Variants in SYNE2 observed in about 807,000 individuals in gnomAD.
SYNE2 encodes the protein spectrin repeat containing nuclear envelope protein 2.
Under a neutral mutation model 856.3 loss-of-function variants are expected in SYNE2, and 431 were observed. The ratio of observed to expected loss-of-function variants is 0.50; its 90% CI spans 0.47 to 0.55. The LOEUF is 0.55. Among genes scored for constraint, SYNE2 ranks in the 20% least tolerant of loss-of-function variants. SYNE2 has a pLI of 0.00. For synonymous variants in SYNE2, 2,923 were observed against 2,872.3 expected (o/e 1.02, Z -0.56); for missense variants, 8,129 against 8,023.2 (o/e 1.01, Z -0.50).
chr14:64,122,826 G>A (rs965225145), intron 70 of SYNE2, among the ~76,000 whole-genome samples: 2 of 152,202 alleles, frequency 1.3e-5, no homozygotes, highest in African/African-American at 4.8e-5. Flanking sequence ...CACTTGGCCA[G>A]GCGCGGTGGC....
intron 65 of SYNE2, among the ~76,000 whole-genome samples, chr14:64,111,613 A>G (rs1229677555): frequency 6.6e-6 from 1 of 152,180 alleles, no homozygotes; most frequent in Non-Finnish European, 1.5e-5. Context: ...AGCCTGGCCA[A>G]CATGACAAAA....
Position 64,003,344 on chromosome 14 carries a change from A to T in SYNE2, c.4397+14A>T. ...TGTGAAACATCGGTAAGTATTGTCC[A>T]TCCATTTCCATCCAAGGTGACTGAC... On this transcript the variant is annotated intron_variant, in intron 30 of 115. Coordinates refer to ENST00000555002, the MANE Select transcript of SYNE2 (RefSeq NM_182914.3). The T allele has an allele frequency of 6.2e-7, 1 of 1,613,924 alleles. No individual in the cohort carries two copies. The highest frequency in any genetic ancestry group is 8.5e-7 in the Non-Finnish European group (1 of 1,179,984).
At position 63,832,626 on chromosome 14, in the gene SYNE2, T is replaced by C. The variant is rs999047250; in HGVS notation, c.-304-19875T>C. ...GATTCTCTACCTCTCTGTTTTACAG[T>C]GTTTATTGTCATAGAAGAAGAAATC... On this transcript the variant is annotated intron_variant, in intron 1 of 23. Coordinates refer to the SYNE2 transcript ENST00000674003. 5.9e-5 allele frequency among the ~76,000 whole-genome samples: 9 copies of C among 152,154 alleles called. No homozygotes were observed. In the South Asian group the frequency reaches 8.3e-4, roughly 14 times the overall value.
chr14:63,780,172 G>A (rs1442998688), intron 1 of SYNE2, among the ~76,000 whole-genome samples: 4 of 152,154 alleles, frequency 2.6e-5, no homozygotes, highest in Admixed American at 2.6e-4. Flanking sequence ...CACAAAAGCT[G>A]TGTAAGACTT....
At chr14:64,116,089 T>A (rs1270971071) in intron 66 of SYNE2, among the ~76,000 whole-genome samples, 3 of 149,978 alleles carry the variant, frequency 2.0e-5, no homozygotes, top group African/African-American at 7.4e-5. Context: ...TAATATCTCT[T>A]AAGCCCAAGA....
chr14:64,002,606 A>G, intron 29 of SYNE2, 114 bp from the exon 30 acceptor site: 1 of 1,202,542 alleles, frequency 8.3e-7, no homozygotes, highest in Non-Finnish European at 1.2e-6. Context: ...CTTTTGTTAA[A>G]CTCAAAAGCA....
chr14:63,895,590 C>CAAAA (rs34613830), intron 1 of SYNE2, among the ~76,000 whole-genome samples: 1 of 88,396 alleles, frequency 1.1e-5, no homozygotes, highest in Non-Finnish European at 2.3e-5. Flanking sequence ...CTGTCTCTAT[C>CAAAA]AAAAAAAAAA....
At chr14:64,099,003 C>A in intron 63 of SYNE2, 182 bp downstream of exon 63, 2 of 645,430 alleles carry the variant, frequency 3.1e-6, no homozygotes, top group East Asian at 3.0e-5. Flanking sequence ...ACCTACTTCA[C>A]TGTGTAAGAG....
intron 1 of SYNE2, among the ~76,000 whole-genome samples, chr14:63,880,191 G>C (rs2140597187): frequency 6.6e-6 from 1 of 152,122 alleles, no homozygotes; most frequent in Non-Finnish European, 1.5e-5. Context: ...CCTAGGCTCA[G>C]GTGAGTCTCC....
In SYNE2 at chr14:64,139,900, A is replaced by G. The variant is rs756319093; in HGVS notation, c.14844-41A>G. On this transcript the variant is annotated intron_variant, in intron 79 of 115. Transcript: ENST00000555002. ...TGGTGATGCATATCATTATCAGAATATGTTTCTAATCTGCCTTCTCTCTCA... is the reference window on the plus strand; with the variant it reads ...TGGTGATGCATATCATTATCAGAATGTGTTTCTAATCTGCCTTCTCTCTCA... The G allele has an allele frequency of 1.2e-5, 19 of 1,611,306 alleles. No individual in the cohort carries two copies. The South Asian group carries it at 1.5e-4, about 13-fold the overall frequency.
intron 9 of SYNE2, 84 bp downstream of exon 9, chr14:63,961,709 A>C: frequency 1.0e-6 from 1 of 967,334 alleles, no homozygotes. Context: ...TATAATTTGC[A>C]TACAGAACTT....
chr14:64,033,925 T>C (rs2097063578), intron 45 of SYNE2, among the ~76,000 whole-genome samples: 1 of 152,228 alleles, frequency 6.6e-6, no homozygotes, highest in Non-Finnish European at 1.5e-5. Context: ...TATTCTTTTG[T>C]AACATGGCTA....
At chr14:63,912,747 T>G (rs376895205) in intron 2 of SYNE2, among the ~76,000 whole-genome samples, 1 of 152,316 alleles carries the variant, frequency 6.6e-6, no homozygotes. Context: ...TAGTGCTTCA[T>G]CATTAATATG....
chr14:64,020,246 G>C (rs765674892), intron 35 of SYNE2, among the ~76,000 whole-genome samples, 153 bp downstream of exon 35: 1 of 152,146 alleles, frequency 6.6e-6, no homozygotes, highest in Non-Finnish European at 1.5e-5. Flanking sequence ...GGGGTGTCCT[G>C]TCTTTTGGCT....
chr14:63,773,411 G>T (rs1386321893), intron 1 of SYNE2, among the ~76,000 whole-genome samples: 1 of 151,926 alleles, frequency 6.6e-6, no homozygotes, highest in Admixed American at 6.6e-5. Context: ...ATGTTGCCCA[G>T]GCTGGTCTCA....
At chr14:64,128,766 C>G (rs1458517858) in intron 74 of SYNE2, among the ~76,000 whole-genome samples, 1 of 152,196 alleles carries the variant, frequency 6.6e-6, no homozygotes, top group African/African-American at 2.4e-5. Flanking sequence ...TTTCACTTAT[C>G]AACCATGACA....
intron 100 of SYNE2, among the ~76,000 whole-genome samples, chr14:64,206,275 T>C (rs2098605004): frequency 6.6e-6 from 1 of 152,242 alleles, no homozygotes; most frequent in African/African-American, 2.4e-5. Flanking sequence ...AAAGTCTTTC[T>C]CATTGTTTTA....
chr14:64,134,638 G>A (rs766089532), intron 78 of SYNE2, among the ~76,000 whole-genome samples: 1 of 152,094 alleles, frequency 6.6e-6, no homozygotes, highest in Non-Finnish European at 1.5e-5. Context: ...CTGACTAGAC[G>A]TAGCCCATAA....
At chr14:63,815,005 TC>T (rs1415263498) in intron 1 of SYNE2, among the ~76,000 whole-genome samples, 1 of 144,292 alleles carries the variant, frequency 6.9e-6, no homozygotes, top group Non-Finnish European at 1.5e-5. Flanking sequence ...TCCATATATA[TC>T]CATATATACA....
Sources: gnomAD v4.1 joint callset for allele counts (sites outside exome capture counted in the v4.1 genomes callset) on GRCh38, gnomAD v4.1.1 for gene constraint, MANE v1.5 for transcripts, NCBI Gene and HGNC (gene_info 2026-07-23, HGNC 2026-07-21) for gene names.